SUCLG2: variants seen among roughly 807,000 people sequenced by gnomAD.
SUCLG2 encodes the protein succinate-CoA ligase GDP-forming subunit beta, also known as succinate--CoA ligase [GDP-forming] subunit beta, mitochondrial.
A neutral mutation model predicts 47.9 loss-of-function variants in SUCLG2; 42 were observed. That is an observed-to-expected ratio of 0.88 (90% CI 0.69 to 1.14). SUCLG2 has a LOEUF of 1.14. Ranked by LOEUF, SUCLG2 falls within the 50% of genes most tolerant of loss-of-function variation. The probability of loss-of-function intolerance (pLI) is 0.00; values close to 1 mark genes in which losing one functional copy is unlikely to be tolerated. For missense variants in SUCLG2, 571 were observed against 525.9 expected, an observed-to-expected ratio of 1.09 and a Z score of -0.84; for synonymous variants, 195 against 197.3, an observed-to-expected ratio of 0.99 and a Z score of 0.10.
At position 67,522,906 on chromosome 3, in the gene SUCLG2, C is replaced by T. The variant is rs577829490; in HGVS notation, c.418-2272G>A. ...GTCTCAATCTCCTGACCTCGTGATC[C>T]GCCCGCCTCGGCCTCCCAAAGTGCT... On this transcript the variant is annotated intron_variant, in intron 4 of 10. Coordinates refer to ENST00000307227, the MANE Select transcript of SUCLG2 (RefSeq NM_003848.4). Among the ~76,000 whole-genome samples, 128 of 151,984 alleles carry T rather than the reference C, an allele frequency of 8.4e-4. 1 individual carries two copies. In the South Asian group the frequency reaches 0.017, roughly 20 times the overall value.
At chr3:67,511,187 C>T (rs1705778833) in intron 6 of SUCLG2, among the ~76,000 whole-genome samples, 1 of 152,090 alleles carries the variant, frequency 6.6e-6, no homozygotes, top group African/African-American at 2.4e-5. Context: ...TGCGCCCGGC[C>T]TAAATTGTTC....
At chr3:67,654,090 CGTG>C (rs1161851694) in intron 1 of SUCLG2, among the ~76,000 whole-genome samples, 1 of 152,184 alleles carries the variant, frequency 6.6e-6, no homozygotes, top group Admixed American at 6.5e-5. Context: ...ATGTTTATCA[CGTG>C]GTCTAAACGT....
At position 67,639,256 on chromosome 3, in the gene SUCLG2, G is replaced by A. The variant is rs556684638; in HGVS notation, c.84+15247C>T. ...TTACTTATGGAGGGGCTCAAATGTGGATTTAAATATTTTTAATAGTGAATA... is the reference window on the plus strand; with the variant it reads ...TTACTTATGGAGGGGCTCAAATGTGAATTTAAATATTTTTAATAGTGAATA... On this transcript the variant is annotated intron_variant, in intron 1 of 10. Transcript: ENST00000307227. Among the ~76,000 whole-genome samples, 114 of 152,228 alleles carry A rather than the reference G, an allele frequency of 7.5e-4. No individual in the cohort carries two copies. In the South Asian group the frequency reaches 0.016, roughly 21 times the overall value.
intron 10 of SUCLG2, among the ~76,000 whole-genome samples, chr3:67,389,796 A>G (rs1322527066): frequency 1.3e-5 from 2 of 152,238 alleles, no homozygotes; most frequent in African/African-American, 4.8e-5. Context: ...GGACGCTTTT[A>G]GTGGTAGTTT....
chr3:67,531,962 T>G (rs1280422716), intron 2 of SUCLG2, among the ~76,000 whole-genome samples: 1 of 152,120 alleles, frequency 6.6e-6, no homozygotes, highest in Non-Finnish European at 1.5e-5. Flanking sequence ...AAACTCAAAT[T>G]TCTGTTTTTA....
At chr3:67,589,449 T>C (rs1318776544) in intron 2 of SUCLG2, among the ~76,000 whole-genome samples, 1 of 152,214 alleles carries the variant, frequency 6.6e-6, no homozygotes, top group African/African-American at 2.4e-5. Context: ...AACTGACTAA[T>C]AATGTGATTG....
chr3:67,376,768 C>A (rs997294011), intron 10 of SUCLG2, among the ~76,000 whole-genome samples: 3 of 152,138 alleles, frequency 2.0e-5, no homozygotes, highest in Non-Finnish European at 4.4e-5. Flanking sequence ...TCCCCTGGGA[C>A]CCTGGGTCTA....
chr3:67,637,842 A>G (rs575028771), intron 1 of SUCLG2, among the ~76,000 whole-genome samples: 5 of 152,298 alleles, frequency 3.3e-5, no homozygotes, highest in South Asian at 2.1e-4. Flanking sequence ...ATGACTTGCT[A>G]TAAGAGGACA....
chr3:67,612,871 C>T lies in SUCLG2; in HGVS notation c.85-3275G>A, dbSNP rs557591580. ...TTGGGAGTTCCCAAGACCTCCTCCT[C>T]GGGTTTAACTAATTTTATAAGATGG... On this transcript the variant is annotated intron_variant, in intron 1 of 10. Transcript: ENST00000307227. Among the ~76,000 whole-genome samples, 24 of 152,278 alleles carry T rather than the reference C, an allele frequency of 1.6e-4. No individual in the cohort carries two copies. The South Asian group carries it at 5.0e-3, about 32-fold the overall frequency.
intron 10 of SUCLG2, among the ~76,000 whole-genome samples, chr3:67,378,585 T>C (rs530053852): frequency 6.6e-6 from 1 of 152,320 alleles, no homozygotes; most frequent in African/African-American, 2.4e-5. Flanking sequence ...ACAGCTCGGC[T>C]GACACTGTGA....
At chr3:67,469,565 T>C (rs1704553849) in intron 9 of SUCLG2, among the ~76,000 whole-genome samples, 2 of 150,178 alleles carry the variant, frequency 1.3e-5, no homozygotes, top group East Asian at 4.0e-4. Flanking sequence ...CCGTCTCTAC[T>C]AAAAAATACA....
At chr3:67,636,553 C>T (rs529679182) in intron 1 of SUCLG2, among the ~76,000 whole-genome samples, 112 of 152,198 alleles carry the variant, frequency 7.4e-4, no homozygotes, top group African/African-American at 2.5e-3. Context: ...GGGGTTTCAC[C>T]GTGTTAGCCA....
rs1707916963 is a variant in SUCLG2, at chr3:67,582,835, C to A, written c.226+26620G>T. On this transcript the variant is annotated intron_variant, in intron 2 of 10. Transcript: ENST00000307227. ...GACTGACTACACCACACATCTAAAC[C>A]ATTCATTTTGGTGGAATGACATTCC... is the stretch of plus-strand genomic sequence containing the variant. 2.0e-5 allele frequency among the ~76,000 whole-genome samples: 3 copies of A among 151,988 alleles called. No individual in the cohort carries two copies. In the South Asian group the frequency reaches 6.2e-4, roughly 32 times the overall value.
intron 7 of SUCLG2, among the ~76,000 whole-genome samples, chr3:67,508,187 A>T (rs1276502672): frequency 6.6e-6 from 1 of 151,998 alleles, no homozygotes; most frequent in African/African-American, 2.4e-5. Flanking sequence ...ACTGGGGGGG[A>T]CTTGGGGCTT....
intron 9 of SUCLG2, among the ~76,000 whole-genome samples, chr3:67,464,697 A>G (rs1376180434): frequency 6.6e-6 from 1 of 152,254 alleles, no homozygotes; most frequent in Non-Finnish European, 1.5e-5. Context: ...ACATTTAGGC[A>G]AATTCCATTT....
chr3:67,509,198 T>A (rs768915809), intron 6 of SUCLG2, among the ~76,000 whole-genome samples: 1 of 152,250 alleles, frequency 6.6e-6, no homozygotes, highest in Non-Finnish European at 1.5e-5. Flanking sequence ...TTAGCAGAGT[T>A]ATGCTGCAAT....
intron 10 of SUCLG2, among the ~76,000 whole-genome samples, chr3:67,377,212 AG>A (rs1434167631): frequency 4.6e-5 from 7 of 152,250 alleles, no homozygotes; most frequent in Admixed American, 3.3e-4. Context: ...TAAGTGTCAG[AG>A]ATGGGACTTG....
At chr3:67,401,128 T>C (rs1702675737) in intron 9 of SUCLG2, among the ~76,000 whole-genome samples, 2 of 152,018 alleles carry the variant, frequency 1.3e-5, no homozygotes, top group Non-Finnish European at 2.9e-5. Flanking sequence ...GTCTATTATA[T>C]AATGTCTTCT....
At chr3:67,508,770 A>G in intron 7 of SUCLG2, 37 bp downstream of exon 7, 1 of 1,441,208 alleles carries the variant, frequency 6.9e-7, no homozygotes, top group Non-Finnish European at 9.6e-7. Context: ...TAATTATAAT[A>G]CATTCATTTG....
Sources: gnomAD v4.1 joint callset for allele counts (sites outside exome capture counted in the v4.1 genomes callset) on GRCh38, gnomAD v4.1.1 for gene constraint, MANE v1.5 for transcripts, NCBI Gene and HGNC (gene_info 2026-07-23, HGNC 2026-07-21) for gene names.